DLGAP2: variants seen among roughly 807,000 people sequenced by gnomAD.
DLGAP2 encodes the protein disks large-associated protein 2.
In DLGAP2, 26 loss-of-function variants were observed where a neutral mutation model predicts 100.3. The ratio of observed to expected loss-of-function variants is 0.26; its 90% CI spans 0.19 to 0.36. The LOEUF (loss-of-function observed/expected upper bound fraction) is 0.36. Among genes scored for constraint, DLGAP2 ranks in the 10% least tolerant of loss-of-function variants. The pLI, the probability that DLGAP2 is intolerant of heterozygous loss-of-function variation, is 1.00. For synonymous variants in DLGAP2, 886 were observed against 630.1 expected (o/e 1.41, Z -6.08); for missense variants, 1,858 against 1,453.2 (o/e 1.28, Z -4.53).
chr8:835,015 G>C (rs1298660048), intron 1 of DLGAP2, among the ~76,000 whole-genome samples: 1 of 152,152 alleles, frequency 6.6e-6, no homozygotes, highest in Non-Finnish European at 1.5e-5. Context: ...TTATGTTGGG[G>C]TGCACAGGTG....
At chr8:1,534,337 A>C (rs1406105860) in intron 4 of DLGAP2, among the ~76,000 whole-genome samples, 6 of 152,238 alleles carry the variant, frequency 3.9e-5, no homozygotes, top group Admixed American at 3.3e-4. Context: ...TAGGTTTACA[A>C]CTGATAGCAG....
intron 1 of DLGAP2, among the ~76,000 whole-genome samples, chr8:844,558 T>C (rs1430751745): frequency 6.6e-6 from 1 of 152,144 alleles, no homozygotes; most frequent in East Asian, 1.9e-4. Context: ...AAGGTAGTAC[T>C]GGTAGACTAC....
intron 2 of DLGAP2, among the ~76,000 whole-genome samples, chr8:1,058,204 G>A (rs1452314924): frequency 6.6e-6 from 1 of 151,962 alleles, no homozygotes; most frequent in Non-Finnish European, 1.5e-5. Flanking sequence ...GTCTGGGGGT[G>A]TGGCCGGATT....
At chr8:1,293,848 A>G (rs896063265) in intron 3 of DLGAP2, among the ~76,000 whole-genome samples, 3 of 152,172 alleles carry the variant, frequency 2.0e-5, no homozygotes, top group African/African-American at 7.2e-5. Context: ...TGTTATTCTT[A>G]TTGAGCAATA....
intron 2 of DLGAP2, among the ~76,000 whole-genome samples, chr8:1,243,568 T>C (rs1798843279): frequency 6.6e-6 from 1 of 152,206 alleles, no homozygotes; most frequent in Non-Finnish European, 1.5e-5. Context: ...CACGATATAT[T>C]ACAAAATTCT....
At chr8:1,435,717 G>A (rs1015275862) in intron 3 of DLGAP2, among the ~76,000 whole-genome samples, 1 of 151,774 alleles carries the variant, frequency 6.6e-6, no homozygotes, top group African/African-American at 2.4e-5. Flanking sequence ...CACTGTGGTC[G>A]TAGGCGATGG....
chr8:801,544 T>A (rs1268389765), intron 1 of DLGAP2, among the ~76,000 whole-genome samples: 1 of 152,238 alleles, frequency 6.6e-6, no homozygotes, highest in Non-Finnish European at 1.5e-5. Flanking sequence ...AAGGCTGTGC[T>A]GCCTGGTTCG....
intron 2 of DLGAP2, among the ~76,000 whole-genome samples, chr8:1,094,002 C>A (rs776254083): frequency 7.4e-5 from 8 of 108,220 alleles, no homozygotes; most frequent in African/African-American, 2.7e-4. Flanking sequence ...GGGCAGCTCC[C>A]CGGTGGAGGG....
At chr8:1,122,404 A>C (rs537023352) in intron 2 of DLGAP2, among the ~76,000 whole-genome samples, 5 of 152,162 alleles carry the variant, frequency 3.3e-5, no homozygotes, top group Non-Finnish European at 7.4e-5. Flanking sequence ...GGCTGTTTAA[A>C]TGTGCAGCTG....
chr8:1,602,675 T>C (rs555315997), intron 6 of DLGAP2, among the ~76,000 whole-genome samples: 47 of 152,312 alleles, frequency 3.1e-4, no homozygotes, highest in African/African-American at 9.6e-4. Context: ...AAGCCCCTCC[T>C]TCCCAGGAGT....
At chr8:1,261,068 TC>T (rs1457941455) in intron 3 of DLGAP2, among the ~76,000 whole-genome samples, 2 of 152,342 alleles carry the variant, frequency 1.3e-5, no homozygotes, top group Admixed American at 1.3e-4. Context: ...CAGGTCAGCT[TC>T]CAGATCTTTA....
In DLGAP2 at chr8:1,288,174, G is replaced by C. The variant is rs1271903462; in HGVS notation, c.106+29291G>C. 2.1e-4 allele frequency among the ~76,000 whole-genome samples: 28 copies of C among 136,212 alleles called. No individual in the cohort carries two copies. The Admixed American group carries it at 2.1e-3, about 10-fold the overall frequency. 89.4% of individuals were successfully genotyped at this position (136,212 alleles called of 152,430 possible). On this transcript the variant is annotated intron_variant, in intron 3 of 14. Coordinates refer to ENST00000637795, the MANE Select transcript of DLGAP2 (RefSeq NM_001346810.2). ...TGTGTGTGTGTTTCTGTTAGGAGGGGAACTAGTTTCGGTTGAGTGTGTGTG... is the reference window on the plus strand; with the variant it reads ...TGTGTGTGTGTTTCTGTTAGGAGGGCAACTAGTTTCGGTTGAGTGTGTGTG...
chr8:1,100,222 A>G (rs1422346984), intron 2 of DLGAP2, among the ~76,000 whole-genome samples: 2 of 150,456 alleles, frequency 1.3e-5, no homozygotes. Context: ...TGTGTAGGGA[A>G]AACCTTTGTC....
intron 3 of DLGAP2, among the ~76,000 whole-genome samples, chr8:1,276,136 A>T (rs1313424015): frequency 6.9e-6 from 1 of 145,900 alleles, no homozygotes; most frequent in Non-Finnish European, 1.5e-5. Flanking sequence ...ATGTATATAA[A>T]CTCACTGTCA....
intron 6 of DLGAP2, among the ~76,000 whole-genome samples, chr8:1,585,350 G>A (rs1252651292): frequency 7.6e-6 from 1 of 132,234 alleles, no homozygotes; most frequent in Non-Finnish European, 1.7e-5. Context: ...TGTAATCCCA[G>A]GTACCCAGGT....
chr8:1,034,617 A>T (rs1258856457), intron 2 of DLGAP2, among the ~76,000 whole-genome samples: 2 of 55,114 alleles, frequency 3.6e-5, no homozygotes, highest in Admixed American at 1.5e-4. Flanking sequence ...CCTCATCCCG[A>T]CCCCGCGTGT....
rs141672430 is a variant in DLGAP2 at position 1,378,704 on chromosome 8, C to G, written c.106+119821C>G. Among the ~76,000 whole-genome samples, 82 of 152,386 alleles carry G rather than the reference C, an allele frequency of 5.4e-4. 3 individuals are homozygous for G. Among genetic ancestry groups the G allele is most frequent in the African/African-American group, 1.8e-3 (75 of 41,592 alleles). On this transcript the variant is annotated intron_variant, in intron 3 of 14. Coordinates refer to ENST00000637795, the MANE Select transcript of DLGAP2 (RefSeq NM_001346810.2). ...GCTCCATCTTCCTCTGTGCTTTCAT[C>G]ACCCTCATTTTTGGAAAGTCACACG...
At chr8:1,185,420 C>G (rs916643998) in intron 2 of DLGAP2, among the ~76,000 whole-genome samples, 2 of 152,014 alleles carry the variant, frequency 1.3e-5, no homozygotes, top group African/African-American at 4.8e-5. Context: ...GGCCGGTCAG[C>G]TTTGCCTCTG....
intron 3 of DLGAP2, among the ~76,000 whole-genome samples, chr8:1,482,057 G>A (rs539534485): frequency 2.0e-4 from 30 of 152,242 alleles, no homozygotes; most frequent in Non-Finnish European, 4.3e-4. Flanking sequence ...CAGCAGGGCT[G>A]GAAAATCACC....
Sources: allele counts gnomAD v4.1 joint callset (sites outside exome capture counted in the v4.1 genomes callset), GRCh38; gene constraint gnomAD v4.1.1; transcripts MANE v1.5; gene names NCBI Gene and HGNC (gene_info 2026-07-23, HGNC 2026-07-21).